Variants in INPP5D observed in about 807,000 individuals in gnomAD.
The protein encoded by INPP5D is phosphatidylinositol 3,4,5-trisphosphate 5-phosphatase 1.
In INPP5D, 33 loss-of-function variants were observed where a neutral mutation model predicts 122.9. The observed-to-expected ratio is 0.27, with a 90% CI of 0.20 to 0.36. The LOEUF (loss-of-function observed/expected upper bound fraction) is 0.36. Ranked by LOEUF, INPP5D falls within the 10% of genes least tolerant of loss-of-function variation. The pLI, the probability that INPP5D is intolerant of heterozygous loss-of-function variation, is 1.00. For missense variants in INPP5D, 1,053 were observed against 1,412.7 expected, an observed-to-expected ratio of 0.75 and a Z score of 4.08; for synonymous variants, 584 against 576.2, an observed-to-expected ratio of 1.01 and a Z score of -0.19.
intron 1 of INPP5D, among the ~76,000 whole-genome samples, chr2:233,068,197 A>G (rs1466194442): frequency 6.6e-6 from 1 of 151,726 alleles, no homozygotes; most frequent in Non-Finnish European, 1.5e-5. Flanking sequence ...AGGCAGCAGA[A>G]TTGCTTGAAC....
At chr2:233,099,849 C>T (rs111374599) in intron 2 of INPP5D, among the ~76,000 whole-genome samples, 6,243 of 152,198 alleles carry the variant, frequency 0.041, 371 homozygotes, top group East Asian at 0.23. Context: ...GGGCAACTTA[C>T]AAAAGAAAGA....
chr2:233,167,963 C>T (rs1180206801), intron 13 of INPP5D, among the ~76,000 whole-genome samples: 3 of 138,798 alleles, frequency 2.2e-5, no homozygotes, highest in Non-Finnish European at 4.5e-5. Flanking sequence ...AGAGATCGCG[C>T]CACTGCACTC....
rs532814964 is a variant in INPP5D at position 233,118,798 on chromosome 2, C to T, written c.199-3309C>T. 1.4e-4 allele frequency among the ~76,000 whole-genome samples: 21 copies of T among 152,368 alleles called. No individual in the cohort carries two copies. In the East Asian group the frequency reaches 4.1e-3, roughly 29 times the overall value. ...GGAGGAAGGCTCCCTCCTCAGCACA[C>T]TTGTCAGCGGCCATTATCAGCTTGC... On this transcript the variant is annotated intron_variant, in intron 2 of 26. Transcript: ENST00000445964.
chr2:233,173,813 A>C (rs549601935), intron 17 of INPP5D, among the ~76,000 whole-genome samples: 93 of 152,290 alleles, frequency 6.1e-4, no homozygotes, highest in Admixed American at 1.6e-3. Context: ...TGCACCTGTA[A>C]TCCCAGCTAC....
At chr2:233,121,964 C>T in intron 2 of INPP5D, 143 bp from the exon 3 acceptor site, 1 of 867,348 alleles carries the variant, frequency 1.2e-6, no homozygotes, top group Non-Finnish European at 1.8e-6. Context: ...ATGAGGGTCA[C>T]ACACCCTGCG....
chr2:233,147,399 G>C, intron 8 of INPP5D, 72 bp from the exon 9 acceptor site: 1 of 693,050 alleles, frequency 1.4e-6, no homozygotes, highest in Non-Finnish European at 2.7e-6. Context: ...GTAGACAAGG[G>C]GTTCGGGCGG....
At chr2:233,087,451 C>T (rs745755296) in intron 2 of INPP5D, among the ~76,000 whole-genome samples, 59 of 152,102 alleles carry the variant, frequency 3.9e-4, no homozygotes, top group Non-Finnish European at 7.1e-4. Context: ...CTCAGCCTCC[C>T]GAGTAGCTGG....
intron 10 of INPP5D, among the ~76,000 whole-genome samples, chr2:233,161,219 G>A (rs1211200292): frequency 1.3e-5 from 2 of 151,926 alleles, no homozygotes; most frequent in Non-Finnish European, 2.9e-5. Flanking sequence ...AGCCTCCCGA[G>A]TAGCTGGCAT....
At chr2:233,173,125 C>G (rs1056072642) in intron 17 of INPP5D, among the ~76,000 whole-genome samples, 2 of 151,270 alleles carry the variant, frequency 1.3e-5, no homozygotes, top group Non-Finnish European at 2.9e-5. Context: ...AAGAGAATCG[C>G]TTGAACCCGG....
chr2:233,085,860 C>T (rs1473445534), intron 2 of INPP5D, among the ~76,000 whole-genome samples: 3 of 152,144 alleles, frequency 2.0e-5, no homozygotes, highest in Non-Finnish European at 2.9e-5. Flanking sequence ...TTATTTTCTC[C>T]CCATCCCCAC....
At chr2:233,133,948 T>C (rs1486296886) in intron 5 of INPP5D, 1 of 456,188 alleles carries the variant, frequency 2.2e-6, no homozygotes, top group Non-Finnish European at 4.4e-6. Flanking sequence ...GCTCAACAGA[T>C]ATTAGGTAAA....
At chr2:233,099,249 C>A (rs574934784) in intron 2 of INPP5D, among the ~76,000 whole-genome samples, 5 of 152,284 alleles carry the variant, frequency 3.3e-5, no homozygotes, top group Non-Finnish European at 5.9e-5. Flanking sequence ...CCGTGCCCAG[C>A]CGAGACTTGG....
chr2:233,152,629 C>T (rs947658991), intron 9 of INPP5D, among the ~76,000 whole-genome samples: 5 of 152,148 alleles, frequency 3.3e-5, no homozygotes, highest in African/African-American at 1.2e-4. Flanking sequence ...CATGCTGTGC[C>T]ATTTGAACCG....
At chr2:233,115,441 G>A (rs1189538297) in intron 2 of INPP5D, among the ~76,000 whole-genome samples, 1 of 152,202 alleles carries the variant, frequency 6.6e-6, no homozygotes, top group Non-Finnish European at 1.5e-5. Context: ...GATGGTGTTG[G>A]AAAGTCAGAG....
chr2:233,190,718 C>T (rs1260454096), intron 22 of INPP5D, among the ~76,000 whole-genome samples: 1 of 152,192 alleles, frequency 6.6e-6, no homozygotes, highest in African/African-American at 2.4e-5. Context: ...CCTTGCTAGA[C>T]CACATGTGTG....
At chr2:233,176,314 G>GCGAT (rs1694623463) in intron 17 of INPP5D, among the ~76,000 whole-genome samples, 1 of 12,542 alleles carries the variant, frequency 8.0e-5, no homozygotes, top group African/African-American at 2.5e-4. Flanking sequence ...GTGGATGGGT[G>GCGAT]CGATGGATGG....
At chr2:233,101,456 A>G (rs1208611595) in intron 2 of INPP5D, among the ~76,000 whole-genome samples, 1 of 151,596 alleles carries the variant, frequency 6.6e-6, no homozygotes, top group Non-Finnish European at 1.5e-5. Context: ...ACAGATTAAT[A>G]ATCACTTCTT....
rs1694262250 is a variant in INPP5D at position 233,164,091 on chromosome 2, G to C, written c.1437+188G>C. Among the ~76,000 whole-genome samples, 2 of 152,072 alleles carry C rather than the reference G, an allele frequency of 1.3e-5. No homozygotes were observed. The highest frequency in any genetic ancestry group is 2.4e-5 in the African/African-American group (1 of 41,408). ...CTGTGGGGTATTGCTGAAAACCACTGAGTCCTCTATCTTCCCACCCTTGGT... is the reference window on the plus strand; with the variant it reads ...CTGTGGGGTATTGCTGAAAACCACTCAGTCCTCTATCTTCCCACCCTTGGT... On this transcript the variant is annotated intron_variant, in intron 12 of 26. Coordinates refer to ENST00000445964, the MANE Select transcript of INPP5D (RefSeq NM_001017915.3). The surrounding 1 kb of genome is among the most constrained non-coding windows in gnomAD (Gnocchi z 4.3).
At chr2:233,103,905 C>A (rs1339360759) in intron 2 of INPP5D, among the ~76,000 whole-genome samples, 1 of 150,736 alleles carries the variant, frequency 6.6e-6, no homozygotes, top group African/African-American at 2.4e-5. Context: ...TGGGGTTTCA[C>A]CATGTTGGCC....
Sources: gnomAD v4.1 joint callset for allele counts (sites outside exome capture counted in the v4.1 genomes callset) on GRCh38, gnomAD v4.1.1 for gene constraint, Gnocchi (gnomAD v3.1) non-coding constraint, MANE v1.5 for transcripts, NCBI Gene and HGNC (gene_info 2026-07-23, HGNC 2026-07-21) for gene names.